Variants in NBEA observed in about 807,000 individuals in gnomAD.
The protein encoded by NBEA is neurobeachin.
In NBEA, 44 loss-of-function variants were observed where a neutral mutation model predicts 343.4. The observed-to-expected ratio is 0.13, with a 90% confidence interval of 0.10 to 0.16. The LOEUF (loss-of-function observed/expected upper bound fraction) is 0.16, where lower values mean the gene tolerates loss of function less well. Among genes scored for constraint, NBEA ranks in the 10% least tolerant of loss-of-function variants. NBEA has a pLI of 1.00. For synonymous variants in NBEA, 1,175 were observed against 1,238.7 expected, an observed-to-expected ratio of 0.95 and a Z score of 1.08; for missense variants, 2,555 against 3,631.3, an observed-to-expected ratio of 0.70 and a Z score of 7.62.
intron 38 of NBEA, among the ~76,000 whole-genome samples, chr13:35,409,418 A>G (rs535908723): frequency 3.9e-5 from 6 of 152,194 alleles, no homozygotes; most frequent in Non-Finnish European, 5.9e-5. Flanking sequence ...GGATGATGAA[A>G]TAATCTGTAC....
intron 1 of NBEA, among the ~76,000 whole-genome samples, chr13:35,020,785 CTA>C (rs1364196132): frequency 1.3e-5 from 2 of 152,122 alleles, no homozygotes; most frequent in African/African-American, 4.8e-5. Context: ...TCCCAAAGTG[CTA>C]TGATTACAGG....
At chr13:35,543,133 CATAA>C (rs2078910463) in intron 41 of NBEA, among the ~76,000 whole-genome samples, 1 of 151,956 alleles carries the variant, frequency 6.6e-6, no homozygotes, top group East Asian at 1.9e-4. Context: ...CATACAACAG[CATAA>C]ATATATTGTG....
At chr13:35,011,973 G>A (rs938718235) in intron 1 of NBEA, among the ~76,000 whole-genome samples, 2 of 152,232 alleles carry the variant, frequency 1.3e-5, no homozygotes, top group Admixed American at 1.3e-4. Context: ...CTGTTTATCA[G>A]TGCATAGTGC....
chr13:35,062,918 G>T (rs560791562), intron 8 of NBEA, among the ~76,000 whole-genome samples: 3 of 152,024 alleles, frequency 2.0e-5, no homozygotes, highest in Middle Eastern at 3.4e-3. Flanking sequence ...TAGTTGAAAA[G>T]TTGCTGTATT....
At chr13:35,078,124 T>TGG (rs1408941219) in intron 10 of NBEA, among the ~76,000 whole-genome samples, 1 of 152,158 alleles carries the variant, frequency 6.6e-6, no homozygotes, top group African/African-American at 2.4e-5. Flanking sequence ...AGAATAGAGA[T>TGG]GGAGTGTCTG....
intron 1 of NBEA, among the ~76,000 whole-genome samples, chr13:34,962,148 A>G (rs913065099): frequency 3.3e-5 from 5 of 151,940 alleles, no homozygotes; most frequent in Admixed American, 3.3e-4. Context: ...CTGTATTTTT[A>G]TTGGCTATCA....
chr13:35,344,926 A>G (rs2039787171), intron 36 of NBEA, among the ~76,000 whole-genome samples: 1 of 151,996 alleles, frequency 6.6e-6, no homozygotes, highest in African/African-American at 2.4e-5. Context: ...ATAAGAGCAA[A>G]CAAGGAAAAT....
rs377396348 is a variant in NBEA at position 35,149,842 on chromosome 13, TTAAA to T, written c.2446-5928_2446-5925del. ...AAAAACCATTGTGTAGTACTAACCT[TTAAA>T]TAAGAAAATTTCATATACATGTATA... On this transcript the variant is annotated intron_variant, in intron 18 of 58. Coordinates refer to ENST00000379939, the MANE Select transcript of NBEA (RefSeq NM_001385012.1). 1.9e-3 allele frequency among the ~76,000 whole-genome samples: 282 copies of T among 152,316 alleles called. 1 individual carries two copies. Among genetic ancestry groups the T allele is most frequent in the Middle Eastern group, 6.8e-3 (2 of 294 alleles).
At chr13:35,187,377 G>C (rs1430963078) in intron 30 of NBEA, among the ~76,000 whole-genome samples, 3 of 151,310 alleles carry the variant, frequency 2.0e-5, no homozygotes, top group Non-Finnish European at 4.4e-5. Flanking sequence ...TTAGTTTCTA[G>C]GCTTTCTCTC....
intron 39 of NBEA, among the ~76,000 whole-genome samples, chr13:35,434,925 C>T (rs879726403): frequency 6.6e-6 from 1 of 152,178 alleles, no homozygotes; most frequent in South Asian, 2.1e-4. Context: ...AGATTTTGTA[C>T]TGCCAAGGAC....
intron 18 of NBEA, among the ~76,000 whole-genome samples, chr13:35,148,060 C>T (rs752151408): frequency 6.6e-6 from 1 of 152,162 alleles, no homozygotes; most frequent in African/African-American, 2.4e-5. Flanking sequence ...CAGGCTGGCT[C>T]ATCATAAAGA....
At chr13:35,281,731 G>A (rs1030504569) in intron 34 of NBEA, among the ~76,000 whole-genome samples, 1 of 151,892 alleles carries the variant, frequency 6.6e-6, no homozygotes, top group African/African-American at 2.4e-5. Flanking sequence ...GATCTTAAAG[G>A]TGTATACAAT....
chr13:35,287,459 A>G (rs1594084311), intron 34 of NBEA, among the ~76,000 whole-genome samples: 2 of 151,874 alleles, frequency 1.3e-5, no homozygotes, highest in East Asian at 1.9e-4. Context: ...TTTTCCTTCA[A>G]TCTTAATCTA....
At chr13:35,451,646 T>G (rs186543567) in intron 39 of NBEA, among the ~76,000 whole-genome samples, 201 of 152,320 alleles carry the variant, frequency 1.3e-3, no homozygotes, top group African/African-American at 4.5e-3. Context: ...ATCTTCTAAT[T>G]AGCTAATTAG....
At chr13:35,553,625 T>C (rs1276332013) in intron 43 of NBEA, among the ~76,000 whole-genome samples, 1 of 152,168 alleles carries the variant, frequency 6.6e-6, no homozygotes, top group Non-Finnish European at 1.5e-5. Flanking sequence ...TTGCAAGAGA[T>C]ATTTTGATAA....
At chr13:35,270,682 G>C (rs1347174781) in intron 34 of NBEA, among the ~76,000 whole-genome samples, 1 of 152,196 alleles carries the variant, frequency 6.6e-6, no homozygotes, top group African/African-American at 2.4e-5. Flanking sequence ...CTCCCCCCGT[G>C]CCTGGCTTGG....
chr13:35,261,997 T>G (rs1055078416), intron 34 of NBEA, among the ~76,000 whole-genome samples: 1 of 152,250 alleles, frequency 6.6e-6, no homozygotes, highest in Non-Finnish European at 1.5e-5. Flanking sequence ...AAATAGCTAG[T>G]TCACTTAACA....
At chr13:35,355,246 GAT>G (rs1429918071) in intron 38 of NBEA, among the ~76,000 whole-genome samples, 3 of 146,474 alleles carry the variant, frequency 2.0e-5, no homozygotes, top group Non-Finnish European at 4.6e-5. Flanking sequence ...GTACCAGCAT[GAT>G]ATATAGTCTT....
At chr13:35,040,003 GTT>G (rs1216069152) in intron 1 of NBEA, among the ~76,000 whole-genome samples, 1 of 152,074 alleles carries the variant, frequency 6.6e-6, no homozygotes, top group African/African-American at 2.4e-5. Flanking sequence ...ATATATTCTA[GTT>G]CCAGAACAGT....
Sources: allele counts gnomAD v4.1 joint callset (sites outside exome capture counted in the v4.1 genomes callset), GRCh38; gene constraint gnomAD v4.1.1; transcripts MANE v1.5; gene names NCBI Gene and HGNC (gene_info 2026-07-23, HGNC 2026-07-21).